The following CACNA1D variants were observed in gnomAD, a reference collection of about 807,000 sequenced individuals.
CACNA1D encodes voltage-dependent L-type calcium channel subunit alpha-1D.
CACNA1D carries 55 observed loss-of-function variants against 257.1 expected under a neutral mutation model. That is an observed-to-expected ratio of 0.21 (90% CI 0.17 to 0.27). The LOEUF is 0.27. CACNA1D is among the 10% of genes least tolerant of loss of function. The pLI is 1.00. For missense variants in CACNA1D, 1,876 were observed against 2,784.0 expected, an observed-to-expected ratio of 0.67 and a Z score of 7.34; for synonymous variants, 980 against 1,014.9, an observed-to-expected ratio of 0.97 and a Z score of 0.65.
chr3:53,748,872 T>A (rs181358171), intron 26 of CACNA1D, among the ~76,000 whole-genome samples: 18 of 152,334 alleles, frequency 1.2e-4, no homozygotes, highest in Non-Finnish European at 2.2e-4. Flanking sequence ...CATATCTCTG[T>A]TTGGGGAAGC....
At chr3:53,600,635 A>G (rs1031957359) in intron 3 of CACNA1D, among the ~76,000 whole-genome samples, 9 of 152,170 alleles carry the variant, frequency 5.9e-5, no homozygotes, top group Non-Finnish European at 1.2e-4. Context: ...TGCTTATTAT[A>G]ATGTATTTCA....
chr3:53,741,670 C>T (rs1332522294), intron 21 of CACNA1D, among the ~76,000 whole-genome samples: 1 of 152,098 alleles, frequency 6.6e-6, no homozygotes, highest in Non-Finnish European at 1.5e-5. Context: ...GTGGGAGGGC[C>T]TGTGGATGCA....
At chr3:53,655,527 G>T (rs188003922) in intron 4 of CACNA1D, among the ~76,000 whole-genome samples, 16 of 152,206 alleles carry the variant, frequency 1.1e-4, no homozygotes, top group African/African-American at 3.9e-4. Context: ...GTGTGAAATG[G>T]TATCTCGTGG....
intron 3 of CACNA1D, among the ~76,000 whole-genome samples, chr3:53,605,273 G>A (rs918991911): frequency 2.2e-4 from 34 of 152,282 alleles, no homozygotes; most frequent in African/African-American, 7.9e-4. Flanking sequence ...GTCTGGCACC[G>A]TGGGAAGTTC....
intron 3 of CACNA1D, among the ~76,000 whole-genome samples, chr3:53,532,938 G>T (rs534890977): frequency 6.6e-6 from 1 of 152,258 alleles, no homozygotes; most frequent in East Asian, 1.9e-4. Context: ...CATGCCTAGG[G>T]TCATGAGGAG....
intron 3 of CACNA1D, among the ~76,000 whole-genome samples, chr3:53,600,692 A>G (rs370750785): frequency 9.9e-4 from 151 of 152,314 alleles, no homozygotes; most frequent in African/African-American, 3.5e-3. Flanking sequence ...CAGTTACACA[A>G]TTATTGCATG....
chr3:53,684,754 A>G (rs2094460700), intron 8 of CACNA1D, among the ~76,000 whole-genome samples: 2 of 152,164 alleles, frequency 1.3e-5, no homozygotes, highest in Non-Finnish European at 2.9e-5. Context: ...GGTCAAAGTA[A>G]ATTATAGGAT....
At chr3:53,683,126 C>G (rs1042811504) in intron 8 of CACNA1D, among the ~76,000 whole-genome samples, 10 of 152,122 alleles carry the variant, frequency 6.6e-5, no homozygotes. Context: ...AGAGAAGGGG[C>G]TCCAGTACTC....
In CACNA1D at chr3:53,751,813, A is replaced by T; in HGVS notation, c.3581A>T (p.Tyr1194Phe). The change falls in exon 28 of 48, where the codon TAC becomes TTC. Residue 1194 changes from tyrosine to phenylalanine, a missense_variant. This residue lies in a region of CACNA1D where 204 missense variants were observed against 309.4 expected (regional missense o/e 0.66). Transcript: ENST00000350061. This position sits in a 1 kb window ranked among gnomAD's most constrained non-coding sequence, Gnocchi z 4.3. Reference protein sequence around the residue: ...PLRRYIPKNPYQYKFWYVVNS... With the variant: ...PLRRYIPKNPFQYKFWYVVNS... ...CGGAGATACATCCCCAAAAACCCCTACCAGTACAAGTTCTGGTACGTGGTG... is the reference window on the plus strand; with the variant it reads ...CGGAGATACATCCCCAAAAACCCCTTCCAGTACAAGTTCTGGTACGTGGTG... 6.2e-7 allele frequency: 1 copy of T among 1,613,966 alleles called. No homozygotes were observed. The highest frequency in any genetic ancestry group is 8.5e-7 in the Non-Finnish European group (1 of 1,179,942).
chr3:53,540,374 C>T (rs1207190649), intron 3 of CACNA1D, among the ~76,000 whole-genome samples: 22 of 151,908 alleles, frequency 1.4e-4, no homozygotes, highest in African/African-American at 5.1e-4. Flanking sequence ...AATCTGCCCA[C>T]CTTGGCCTCC....
At chr3:53,655,078 T>C (rs903157571) in intron 4 of CACNA1D, among the ~76,000 whole-genome samples, 9 of 152,186 alleles carry the variant, frequency 5.9e-5, no homozygotes, top group Non-Finnish European at 1.0e-4. Flanking sequence ...ATTTGGTTTT[T>C]TGTTCCTGCG....
intron 3 of CACNA1D, among the ~76,000 whole-genome samples, chr3:53,566,650 G>A (rs981710130): frequency 6.6e-6 from 1 of 152,168 alleles, no homozygotes; most frequent in African/African-American, 2.4e-5. Flanking sequence ...GCACATGGGA[G>A]CCGCTTGAGA....
chr3:53,687,982 T>C (rs143346112), intron 8 of CACNA1D, among the ~76,000 whole-genome samples: 170 of 152,356 alleles, frequency 1.1e-3, no homozygotes, highest in Middle Eastern at 3.4e-3. Context: ...ACATTGTTTA[T>C]AGAAACATAA....
intron 3 of CACNA1D, among the ~76,000 whole-genome samples, chr3:53,580,557 G>A (rs1243052730): frequency 6.6e-6 from 1 of 152,200 alleles, no homozygotes; most frequent in African/African-American, 2.4e-5. Flanking sequence ...TGAAGTAAGA[G>A]ACATTCACCA....
chr3:53,572,581 A>G (rs967090331), intron 3 of CACNA1D, among the ~76,000 whole-genome samples: 8 of 151,934 alleles, frequency 5.3e-5, no homozygotes, highest in Non-Finnish European at 8.8e-5. Flanking sequence ...TGTATTTTTT[A>G]TAGAGACAAG....
chr3:53,496,746 A>G (rs1324974158), intron 1 of CACNA1D, among the ~76,000 whole-genome samples: 1 of 151,992 alleles, frequency 6.6e-6, no homozygotes, highest in Admixed American at 6.6e-5. Flanking sequence ...TGATGGTGGT[A>G]GTTATGTTAG....
At position 53,612,368 on chromosome 3, in the gene CACNA1D, A is replaced by G. The variant is rs74731305; in HGVS notation, c.484-38411A>G. 6.6e-4 allele frequency among the ~76,000 whole-genome samples: 100 copies of G among 152,354 alleles called. No homozygotes were observed. The East Asian group carries it at 0.018, about 27-fold the overall frequency. ...TTGACAGTCAAGTTACTTGTTGCTC[A>G]TAGTGATCCTTTCAAAGACTGTCTT... is the stretch of plus-strand genomic sequence containing the variant. On this transcript the variant is annotated intron_variant, in intron 3 of 47. Coordinates refer to ENST00000350061, the MANE Select transcript of CACNA1D (RefSeq NM_001128840.3).
intron 38 of CACNA1D, 23 bp downstream of exon 38, chr3:53,780,151 A>G: frequency 6.5e-7 from 1 of 1,535,566 alleles, no homozygotes; most frequent in Non-Finnish European, 9.0e-7. Context: ...TGCCAGCAAG[A>G]CAAGATGGCA....
intron 3 of CACNA1D, among the ~76,000 whole-genome samples, chr3:53,586,008 A>G (rs1031826498): frequency 6.6e-5 from 10 of 152,026 alleles, no homozygotes; most frequent in Admixed American, 6.6e-5. Context: ...CTGCTCTCTT[A>G]TTTGATTTAA....
Sources: gnomAD v4.1 joint callset for allele counts (sites outside exome capture counted in the v4.1 genomes callset) on GRCh38, gnomAD v4.1.1 for gene constraint, gnomAD v4.1.1 regional missense constraint, Gnocchi (gnomAD v3.1) non-coding constraint, MANE v1.5 for transcripts, NCBI Gene and HGNC (gene_info 2026-07-23, HGNC 2026-07-21) for gene names.